Variants in GLI2 observed in about 807,000 individuals in gnomAD.
GLI2 encodes GLI family zinc finger 2.
A neutral mutation model predicts 78.9 loss-of-function variants in GLI2; 22 were observed. That is an observed-to-expected ratio of 0.28 (90% CI 0.20 to 0.40). The LOEUF (loss-of-function observed/expected upper bound fraction) is 0.40, where lower values mean the gene tolerates loss of function less well. Among genes scored for constraint, GLI2 ranks in the 10% least tolerant of loss-of-function variants. GLI2 has a pLI of 1.00. For synonymous variants in GLI2, 974 were observed against 963.7 expected (o/e 1.01, Z -0.20); for missense variants, 2,097 against 2,213.2 (o/e 0.95, Z 1.05).
intron 2 of GLI2, among the ~76,000 whole-genome samples, chr2:120,926,087 A>AT (rs1679655747): frequency 1.3e-5 from 2 of 151,242 alleles, no homozygotes; most frequent in Non-Finnish European, 3.0e-5. Flanking sequence ...AAAAAAAAAA[A>AT]AAAAAAAAAA....
intron 2 of GLI2, among the ~76,000 whole-genome samples, chr2:120,881,716 G>T (rs200911201): frequency 6.0e-5 from 1 of 16,640 alleles, no homozygotes; most frequent in African/African-American, 2.3e-4. Flanking sequence ...TGGGGAGAGG[G>T]CAGGTGGGGG....
intron 1 of GLI2, among the ~76,000 whole-genome samples, chr2:120,756,558 G>C (rs528845732): frequency 6.6e-6 from 1 of 152,274 alleles, no homozygotes; most frequent in South Asian, 2.1e-4. Flanking sequence ...CCTAGAGGTA[G>C]TGAGAGTTCT....
intron 2 of GLI2, among the ~76,000 whole-genome samples, chr2:120,913,859 A>C (rs1678954871): frequency 6.6e-6 from 1 of 152,188 alleles, no homozygotes; most frequent in African/African-American, 2.4e-5. Context: ...TCAGCCTGGG[A>C]AACCATCACC....
chr2:120,844,414 T>C lies in GLI2; in HGVS notation c.148+46946T>C, dbSNP rs962328410. 2.6e-5 allele frequency among the ~76,000 whole-genome samples: 4 copies of C among 152,186 alleles called. No homozygotes were observed. The East Asian group carries it at 7.7e-4, about 29-fold the overall frequency. On this transcript the variant is annotated intron_variant, in intron 2 of 13. Transcript: ENST00000361492. Reference sequence around the variant, plus strand: ...CATCCAGCCCTACTTGGGTACAAGCTCCATTTCTTGTGTCTTTATAGTGGG... The same window carrying C: ...CATCCAGCCCTACTTGGGTACAAGCCCCATTTCTTGTGTCTTTATAGTGGG...
At chr2:120,849,124 G>A (rs1687269433) in intron 2 of GLI2, among the ~76,000 whole-genome samples, 1 of 152,144 alleles carries the variant, frequency 6.6e-6, no homozygotes, top group Admixed American at 6.5e-5. Flanking sequence ...GAGGCCCCTA[G>A]GGTAGTCAAA....
intron 3 of GLI2, among the ~76,000 whole-genome samples, chr2:120,929,906 A>C (rs2104878759): frequency 6.6e-6 from 1 of 152,276 alleles, no homozygotes; most frequent in South Asian, 2.1e-4. Context: ...GCCACCCAAA[A>C]ATTGCCCAGT....
chr2:120,963,182 C>G (rs1008103516), intron 5 of GLI2, among the ~76,000 whole-genome samples: 1 of 152,248 alleles, frequency 6.6e-6, no homozygotes, highest in African/African-American at 2.4e-5. Flanking sequence ...CACCCTGCCC[C>G]TTGGAACAGT....
At chr2:120,859,452 C>CTT (rs57311162) in intron 2 of GLI2, among the ~76,000 whole-genome samples, 67 of 125,480 alleles carry the variant, frequency 5.3e-4, no homozygotes, top group African/African-American at 7.2e-4. Flanking sequence ...ATACTCCCTC[C>CTT]TTTTTTTTTT....
chr2:120,813,568 TG>T (rs1208965927), intron 2 of GLI2, among the ~76,000 whole-genome samples: 8 of 152,308 alleles, frequency 5.3e-5, no homozygotes, highest in Admixed American at 4.6e-4. Flanking sequence ...CCCGGGGCGA[TG>T]GGTGCTACCA....
intron 2 of GLI2, among the ~76,000 whole-genome samples, chr2:120,916,727 A>T (rs941250593): frequency 6.6e-6 from 1 of 152,190 alleles, no homozygotes; most frequent in African/African-American, 2.4e-5. Flanking sequence ...TGTGACTTCC[A>T]ACTGTGGATG....
chr2:120,763,818 G>A (rs973457075), intron 1 of GLI2, among the ~76,000 whole-genome samples: 2 of 152,248 alleles, frequency 1.3e-5, no homozygotes, highest in Non-Finnish European at 2.9e-5. Flanking sequence ...TGTGGGTGGG[G>A]CTGTGAAAGG....
Position 120,955,385 on chromosome 2 carries a change from G to A in GLI2, c.598G>A (p.Ala200Thr), listed in dbSNP as rs111840592. Reference sequence around the variant, plus strand: ...GGACCTGCTGATGCAGAGCGGGGGCGCTGCCAGCGCACCCCATCTCCACGA... The same window carrying A: ...GGACCTGCTGATGCAGAGCGGGGGCACTGCCAGCGCACCCCATCTCCACGA... ...YGDLLMQSGG[A>T]ASAPHLHDYL... Residue 200 changes from alanine to threonine, a missense_variant, in exon 5 of 14, where the codon GCT (alanine) becomes ACT (threonine). Ala to Thr is a moderately conservative substitution (Grantham distance 58). Transcript: ENST00000361492. 1.6e-4 allele frequency: 250 copies of A among 1,611,820 alleles called. 3 individuals are homozygous for A. Among genetic ancestry groups the A allele is most frequent in the African/African-American group, 1.3e-3 (101 of 74,974 alleles).
At chr2:120,807,830 A>G (rs1332885047) in intron 2 of GLI2, among the ~76,000 whole-genome samples, 1 of 151,152 alleles carries the variant, frequency 6.6e-6, no homozygotes, top group Non-Finnish European at 1.5e-5. Flanking sequence ...CCCTGTGTGC[A>G]CGGCTTGCTT....
rs201041526 is a variant in GLI2, at chr2:120,797,449, A to C, written c.129A>C (p.Ala43=). The C allele has an allele frequency of 1.7e-4, 270 of 1,613,968 alleles. No individual in the cohort carries two copies. In the African/African-American group the frequency reaches 3.4e-3, roughly 20 times the overall value. The change falls in exon 2 of 14, where the codon GCA becomes GCC. Residue 43 remains alanine, a synonymous_variant. Coordinates refer to ENST00000361492, the MANE Select transcript of GLI2 (RefSeq NM_001374353.1). ...TGGTGGTGGCTGCAGCGGCAGCAGC[A>C]GCGGTAGCTGCCCAAGGAGGTACTT... The part of the protein sequence containing the change: ...SPLVVAAAAA[A]AVAAQGVPQH...
At chr2:120,943,091 A>G (rs1382583847) in intron 3 of GLI2, among the ~76,000 whole-genome samples, 1 of 152,152 alleles carries the variant, frequency 6.6e-6, no homozygotes, top group Non-Finnish European at 1.5e-5. Context: ...GATACAGGAG[A>G]CAGGAGGCCT....
At chr2:120,816,817 T>A (rs146942527) in intron 2 of GLI2, among the ~76,000 whole-genome samples, 29 of 152,198 alleles carry the variant, frequency 1.9e-4, no homozygotes, top group African/African-American at 6.8e-4. Flanking sequence ...GATCTAGAGA[T>A]AGAAAAGAGG....
chr2:120,787,215 A>G (rs909644283), intron 1 of GLI2, among the ~76,000 whole-genome samples: 2 of 152,218 alleles, frequency 1.3e-5, no homozygotes, highest in East Asian at 3.9e-4. Context: ...GCGTGATCAG[A>G]GTCACAGACA....
Position 120,975,052 on chromosome 2 carries a change from C to A in GLI2, c.1260C>A (p.Thr420=). The A allele has an allele frequency of 1.2e-6, 2 of 1,614,072 alleles. No homozygotes were observed. The highest frequency in any genetic ancestry group is 2.7e-5 in the African/African-American group (2 of 75,056). ...KQEAEVVIYE[T]NCHWEDCTKE... ...AGGCTGAGGTGGTCATCTATGAGAC[C>A]AACTGCCACTGGGAAGACTGCACCA... The change falls in exon 9 of 14, where the codon ACC becomes ACA. Residue 420 remains threonine, a synonymous_variant. Transcript: ENST00000361492.
At chr2:120,922,930 G>A (rs1226793060) in intron 2 of GLI2, among the ~76,000 whole-genome samples, 4 of 152,100 alleles carry the variant, frequency 2.6e-5, no homozygotes, top group Non-Finnish European at 5.9e-5. Flanking sequence ...CTCCACCCCA[G>A]GAGCTGCCAG....
Sources: gnomAD v4.1 joint callset for allele counts (sites outside exome capture counted in the v4.1 genomes callset) on GRCh38, gnomAD v4.1.1 for gene constraint, MANE v1.5 for transcripts, NCBI Gene and HGNC (gene_info 2026-07-23, HGNC 2026-07-21) for gene names.